Variants in SAMD3 observed in about 807,000 individuals in gnomAD.
SAMD3 encodes the protein sterile alpha motif domain containing 3.
Under a neutral mutation model 58.5 loss-of-function variants are expected in SAMD3, and 63 were observed. The ratio of observed to expected loss-of-function variants is 1.08; its 90% CI spans 0.88 to 1.33. The LOEUF (loss-of-function observed/expected upper bound fraction) is 1.33. Among genes scored for constraint, SAMD3 ranks in the 40% most tolerant of loss-of-function variants. The pLI is 0.00. For synonymous variants in SAMD3, 220 were observed against 210.3 expected (o/e 1.05, Z -0.40); for missense variants, 604 against 608.4 (o/e 0.99, Z 0.08).
At chr6:130,174,418 G>T (rs1231806057) in intron 8 of SAMD3, among the ~76,000 whole-genome samples, 2 of 152,142 alleles carry the variant, frequency 1.3e-5, no homozygotes, top group African/African-American at 4.8e-5. Context: ...GGGGAAGGAG[G>T]TCCCTGGCTC....
chr6:130,199,262 T>C (rs574292729), intron 5 of SAMD3, among the ~76,000 whole-genome samples: 1 of 152,324 alleles, frequency 6.6e-6, no homozygotes, highest in South Asian at 2.1e-4. Flanking sequence ...CACAAGTGGC[T>C]GTATTGTGGC....
chr6:130,276,460 T>C (rs1241120136), intron 2 of SAMD3, among the ~76,000 whole-genome samples: 4 of 152,068 alleles, frequency 2.6e-5, no homozygotes, highest in African/African-American at 9.7e-5. Context: ...TATAGGTAAG[T>C]AAAGAGTGGG....
intron 1 of SAMD3, among the ~76,000 whole-genome samples, chr6:130,352,363 A>G (rs1433599713): frequency 6.6e-6 from 1 of 152,196 alleles, no homozygotes; most frequent in Non-Finnish European, 1.5e-5. Context: ...CTCATCATAT[A>G]TTAAAACTCA....
chr6:130,148,275 A>G (rs924023632), intron 9 of SAMD3, among the ~76,000 whole-genome samples: 1 of 152,214 alleles, frequency 6.6e-6, no homozygotes, highest in African/African-American at 2.4e-5. Flanking sequence ...CTATCACTAC[A>G]GGTTAATCAA....
chr6:130,146,333 T>C, intron 9 of SAMD3, 152 bp from the exon 10 acceptor site: 1 of 423,296 alleles, frequency 2.4e-6, no homozygotes. Context: ...ATTAAAGCCT[T>C]AGGATGAGGG....
intron 2 of SAMD3, among the ~76,000 whole-genome samples, chr6:130,311,083 A>G (rs934987600): frequency 6.6e-6 from 1 of 152,116 alleles, no homozygotes; most frequent in African/African-American, 2.4e-5. Context: ...CCTGACAAAG[A>G]ACCACACATA....
chr6:130,344,825 CAAAAAA>C (rs56795907), intron 1 of SAMD3, among the ~76,000 whole-genome samples: 13 of 41,104 alleles, frequency 3.2e-4, no homozygotes, highest in African/African-American at 1.1e-3. Context: ...ACAACAACAG[CAAAAAA>C]AAAAAAAAAA....
chr6:130,146,091 AAGTC>A lies in SAMD3; in HGVS notation c.1110_1113del (p.Thr371LeufsTer17), dbSNP rs1788601865. 1 of 1,600,844 alleles carries A rather than the reference AAGTC, an allele frequency of 6.2e-7. No homozygotes were observed. Among genetic ancestry groups the A allele is most frequent in the Non-Finnish European group, 8.5e-7 (1 of 1,172,468 alleles). The stretch of plus-strand genomic sequence containing the variant: ...ATTGGATTGTCCACCACTGAAAAAG[AAGTC>A]AGTATATTTTCTGAATAGGATTCCA... On this transcript the variant is annotated frameshift_variant, in exon 10 of 12. Transcript: ENST00000439090. LOFTEE classifies it high-confidence loss of function.
Position 130,323,658 on chromosome 6 carries a change from C to T in SAMD3, c.-303-10565G>A, listed in dbSNP as rs544406612. ...TCTCTACTTAAAATACAAAACTTAT[C>T]TGGGCGTGGTGGCATGTGCCTGTAA... On this transcript the variant is annotated intron_variant, in intron 1 of 13. Transcript: ENST00000368134. Among the ~76,000 whole-genome samples the T allele has an allele frequency of 3.3e-5, 5 of 152,018 alleles. No individual in the cohort carries two copies. In the East Asian group the frequency reaches 9.7e-4, roughly 29 times the overall value.
chr6:130,297,938 A>G (rs774356641), intron 2 of SAMD3, among the ~76,000 whole-genome samples: 4 of 152,230 alleles, frequency 2.6e-5, no homozygotes, highest in Admixed American at 1.3e-4. Flanking sequence ...AAGAAAAAGC[A>G]AGCAACTTGG....
chr6:130,278,916 G>GTTATAGATAGAT (rs1562495669), intron 2 of SAMD3, among the ~76,000 whole-genome samples: 1 of 152,090 alleles, frequency 6.6e-6, no homozygotes, highest in South Asian at 2.1e-4. Flanking sequence ...GGGGAGACAC[G>GTTATAGATAGAT]ATGTGGTTAG....
At chr6:130,217,884 G>GAA (rs1314677032) in intron 1 of SAMD3, among the ~76,000 whole-genome samples, 1 of 152,154 alleles carries the variant, frequency 6.6e-6, no homozygotes, top group Admixed American at 6.5e-5. Flanking sequence ...TCTGCCCTGA[G>GAA]AAAAAGTATC....
Position 130,312,257 on chromosome 6 carries a change from T to C in SAMD3, c.-188+721A>G, listed in dbSNP as rs576831936. The stretch of plus-strand genomic sequence containing the variant: ...AGTGATGGTTGAACTCTCCATTACT[T>C]AAGAGTGAGAAGCCAGGAAACTGCC... On this transcript the variant is annotated intron_variant, in intron 2 of 13. Coordinates refer to the SAMD3 transcript ENST00000368134. 1.2e-3 allele frequency among the ~76,000 whole-genome samples: 187 copies of C among 152,346 alleles called. 1 individual carries two copies. The highest frequency in any genetic ancestry group is 2.9e-4 in the Non-Finnish European group (20 of 68,024).
At chr6:130,183,102 C>G (rs1792527382) in intron 7 of SAMD3, 1 of 311,866 alleles carries the variant, frequency 3.2e-6, no homozygotes, top group Admixed American at 4.6e-5. Context: ...CAGGCAGGTT[C>G]AAACAGCAAA....
At chr6:130,193,424 C>T (rs141889927) in intron 5 of SAMD3, among the ~76,000 whole-genome samples, 145 of 152,062 alleles carry the variant, frequency 9.5e-4, no homozygotes, top group African/African-American at 3.1e-3. Flanking sequence ...CTTATCTCTG[C>T]GCCCTGATCC....
chr6:130,258,299 A>T (rs1188793448), intron 2 of SAMD3, among the ~76,000 whole-genome samples: 1 of 152,096 alleles, frequency 6.6e-6, no homozygotes, highest in East Asian at 1.9e-4. Flanking sequence ...TCTTGTAGAG[A>T]GCACATGGTA....
intron 1 of SAMD3, among the ~76,000 whole-genome samples, chr6:130,347,720 C>T (rs1021899506): frequency 1.3e-5 from 2 of 152,062 alleles, no homozygotes; most frequent in African/African-American, 4.8e-5. Flanking sequence ...TCAGGAAATA[C>T]AGAGAATGCC....
At chr6:130,318,903 C>T (rs1255257094) in intron 1 of SAMD3, among the ~76,000 whole-genome samples, 1 of 151,942 alleles carries the variant, frequency 6.6e-6, no homozygotes, top group African/African-American at 2.4e-5. Context: ...ATAGATATTC[C>T]ATATATTTAT....
At chr6:130,165,207 G>T (rs577594430) in intron 8 of SAMD3, among the ~76,000 whole-genome samples, 4 of 152,184 alleles carry the variant, frequency 2.6e-5, no homozygotes, top group Admixed American at 6.5e-5. Flanking sequence ...TCTTAGTGAT[G>T]AAATTAAAAG....
Sources: allele counts gnomAD v4.1 joint callset (sites outside exome capture counted in the v4.1 genomes callset), GRCh38; gene constraint gnomAD v4.1.1; transcripts MANE v1.5; gene names NCBI Gene and HGNC (gene_info 2026-07-23, HGNC 2026-07-21).